STX8: variants seen among roughly 807,000 people sequenced by gnomAD.
The protein encoded by STX8 is syntaxin 8, also known as syntaxin-8.
STX8 carries 23 observed loss-of-function variants against 37.5 expected under a neutral mutation model. That is an observed-to-expected ratio of 0.61 (90% CI 0.44 to 0.87). STX8 has a LOEUF of 0.87. STX8 is among the 40% of genes least tolerant of loss of function. The pLI is 0.00. For missense variants in STX8, 313 were observed against 284.7 expected, an observed-to-expected ratio of 1.10 and a Z score of -0.71; for synonymous variants, 115 against 99.1, an observed-to-expected ratio of 1.16 and a Z score of -0.95.
At chr17:9,352,201 C>A (rs1206195416) in intron 7 of STX8, among the ~76,000 whole-genome samples, 2 of 150,974 alleles carry the variant, frequency 1.3e-5, no homozygotes, top group East Asian at 3.9e-4. Flanking sequence ...GCTTCATAAT[C>A]CAGGTTGTCA....
At chr17:9,368,892 T>C (rs1210126240) in intron 7 of STX8, among the ~76,000 whole-genome samples, 1 of 151,564 alleles carries the variant, frequency 6.6e-6, no homozygotes, top group Non-Finnish European at 1.5e-5. Context: ...CCCTCTCTCC[T>C]ATACTCTTAA....
chr17:9,258,203 C>T (rs961093580), intron 7 of STX8, among the ~76,000 whole-genome samples: 9 of 152,152 alleles, frequency 5.9e-5, no homozygotes, highest in African/African-American at 2.2e-4. Context: ...AGTGATCAGT[C>T]TCACTGTTCA....
At chr17:9,515,238 C>T (rs1416836844) in intron 4 of STX8, among the ~76,000 whole-genome samples, 1 of 152,066 alleles carries the variant, frequency 6.6e-6, no homozygotes, top group Non-Finnish European at 1.5e-5. Flanking sequence ...ACAGAAGGCA[C>T]TAAAAAATTT....
chr17:9,544,943 C>A (rs1906440403), intron 4 of STX8, among the ~76,000 whole-genome samples: 1 of 152,120 alleles, frequency 6.6e-6, no homozygotes, highest in Non-Finnish European at 1.5e-5. Flanking sequence ...TGCAGAGAGC[C>A]AAGATCACGC....
chr17:9,502,652 G>A (rs1429134152), intron 5 of STX8, among the ~76,000 whole-genome samples: 1 of 152,056 alleles, frequency 6.6e-6, no homozygotes. Context: ...CAGAAAAAAT[G>A]CAAATTTACG....
intron 4 of STX8, among the ~76,000 whole-genome samples, chr17:9,524,657 A>C (rs1206106505): frequency 2.0e-5 from 3 of 152,356 alleles, no homozygotes; most frequent in African/African-American, 7.2e-5. Flanking sequence ...AGGACTGCCT[A>C]CATAGCCATC....
intron 6 of STX8, among the ~76,000 whole-genome samples, chr17:9,470,902 A>AT (rs34845144): frequency 1.1e-4 from 16 of 147,138 alleles, no homozygotes; most frequent in African/African-American, 2.2e-4. Flanking sequence ...AATTTTTTGT[A>AT]TTTTTTTTTT....
At chr17:9,504,266 C>T (rs1430418456) in intron 5 of STX8, among the ~76,000 whole-genome samples, 1 of 151,566 alleles carries the variant, frequency 6.6e-6, no homozygotes, top group Non-Finnish European at 1.5e-5. Flanking sequence ...TCATCTTATA[C>T]ATTCCTATGT....
rs372642963 is a variant in STX8 at position 9,479,261 on chromosome 17, C to T, written c.541+12568G>A. ...TAGTATACCATATATAGGCCAGGCGCGGTGGCTCACTCCTGCAATCCCAGC... is the reference window on the plus strand; with the variant it reads ...TAGTATACCATATATAGGCCAGGCGTGGTGGCTCACTCCTGCAATCCCAGC... On this transcript the variant is annotated intron_variant, in intron 6 of 7. Coordinates refer to ENST00000306357, the MANE Select transcript of STX8 (RefSeq NM_004853.3). 3.0e-4 allele frequency among the ~76,000 whole-genome samples: 45 copies of T among 152,222 alleles called. 1 individual carries two copies. In the South Asian group the frequency reaches 7.1e-3, roughly 24 times the overall value.
intron 7 of STX8, among the ~76,000 whole-genome samples, chr17:9,264,257 A>G (rs1907148465): frequency 6.6e-6 from 1 of 152,212 alleles, no homozygotes; most frequent in Admixed American, 6.5e-5. Context: ...TAACCCACAG[A>G]ATTGTGAAGT....
chr17:9,519,525 C>A (rs374442962), intron 4 of STX8, among the ~76,000 whole-genome samples: 1 of 152,130 alleles, frequency 6.6e-6, no homozygotes, highest in Non-Finnish European at 1.5e-5. Flanking sequence ...GCCTTCTGAT[C>A]GGTCTCCTTG....
chr17:9,313,834 G>A (rs1477212110), intron 7 of STX8, among the ~76,000 whole-genome samples: 5 of 152,178 alleles, frequency 3.3e-5, no homozygotes, highest in African/African-American at 4.8e-5. Flanking sequence ...GTTTCACTAT[G>A]TTAGCCAGGA....
intron 6 of STX8, among the ~76,000 whole-genome samples, chr17:9,484,480 C>T (rs973112149): frequency 6.6e-6 from 1 of 151,008 alleles, no homozygotes; most frequent in African/African-American, 2.4e-5. Flanking sequence ...CAGTAATTGG[C>T]AGGAGGGGGA....
At chr17:9,422,838 T>C (rs1013795195) in intron 6 of STX8, among the ~76,000 whole-genome samples, 1 of 152,236 alleles carries the variant, frequency 6.6e-6, no homozygotes, top group Non-Finnish European at 1.5e-5. Context: ...GTGGCGATTT[T>C]CCAAATCAGC....
intron 4 of STX8, among the ~76,000 whole-genome samples, chr17:9,508,438 CT>C (rs1040123920): frequency 9.2e-5 from 14 of 152,212 alleles, no homozygotes; most frequent in African/African-American, 3.4e-4. Context: ...GTGATTCTCC[CT>C]CCTCAGTCCT....
chr17:9,271,114 G>C (rs1001190776), intron 7 of STX8, among the ~76,000 whole-genome samples: 2 of 152,218 alleles, frequency 1.3e-5, no homozygotes, highest in African/African-American at 4.8e-5. Flanking sequence ...GCAACTCACA[G>C]TGTGACGTGG....
chr17:9,388,491 T>C (rs1912093344), intron 6 of STX8, among the ~76,000 whole-genome samples: 1 of 151,674 alleles, frequency 6.6e-6, no homozygotes, highest in Non-Finnish European at 1.5e-5. Context: ...CCCCATGTGT[T>C]CACTACAATT....
intron 4 of STX8, among the ~76,000 whole-genome samples, chr17:9,540,250 C>T (rs1438730186): frequency 1.3e-5 from 2 of 152,210 alleles, no homozygotes; most frequent in Admixed American, 1.3e-4. Flanking sequence ...CCACATGGTG[C>T]CATCTTCCCT....
intron 7 of STX8, among the ~76,000 whole-genome samples, chr17:9,287,240 C>T (rs1908109192): frequency 6.6e-6 from 1 of 152,098 alleles, no homozygotes; most frequent in African/African-American, 2.4e-5. Flanking sequence ...TGGGGTGGGG[C>T]AGGCTCCATC....
Sources: allele counts gnomAD v4.1 joint callset (sites outside exome capture counted in the v4.1 genomes callset), GRCh38; gene constraint gnomAD v4.1.1; transcripts MANE v1.5; gene names NCBI Gene and HGNC (gene_info 2026-07-23, HGNC 2026-07-21).